PHYH: variants seen among roughly 807,000 people sequenced by gnomAD.
PHYH encodes phytanoyl-CoA dioxygenase, peroxisomal.
In PHYH, 32 loss-of-function variants were observed where a neutral mutation model predicts 38.5. That is an observed-to-expected ratio of 0.83 (90% CI 0.63 to 1.12). The LOEUF (loss-of-function observed/expected upper bound fraction) is 1.12, where lower values mean the gene tolerates loss of function less well. PHYH is among the 50% of genes most tolerant of loss of function. The pLI is 0.00. For synonymous variants in PHYH, 166 were observed against 157.9 expected (o/e 1.05, Z -0.38); for missense variants, 426 against 434.8 (o/e 0.98, Z 0.18).
chr10:13,281,210 G>A, intron 7 of PHYH, 100 bp from the exon 8 acceptor site: 1 of 1,232,462 alleles, frequency 8.1e-7, no homozygotes, highest in Non-Finnish European at 1.2e-6. Context: ...ATTTCACTCA[G>A]TATTTGATTT....
chr10:13,298,783 A>C (rs2783651), intron 1 of PHYH, among the ~76,000 whole-genome samples: 53,309 of 107,654 alleles, frequency 0.5, 12,160 homozygotes, highest in East Asian at 0.74. Flanking sequence ...ACTACTACTA[A>C]TAATAATAAT....
At position 13,281,039 on chromosome 10, in the gene PHYH, G is replaced by C. The variant is rs757065674; in HGVS notation, c.900C>G (p.Ile300Met). Residue 300 changes from isoleucine (I) to methionine (M), a missense_variant, in exon 8 of 9, where the codon ATC becomes ATG. Physicochemically the swap from Ile to Met is conservative, Grantham distance 10. Transcript: ENST00000263038. ...IDVKGTSQEN[I>M]EKEVVGIAHK... ...GTGCTATTCCTACAACTTCCTTCTC[G>C]ATGTTTTCTTGACTGGTGCCCTTCA... is the stretch of plus-strand genomic sequence containing the variant. 1 of 1,613,824 alleles carries C rather than the reference G, an allele frequency of 6.2e-7. No individual in the cohort carries two copies. Among genetic ancestry groups the C allele is most frequent in the Admixed American group, 1.7e-5 (1 of 59,988 alleles).
At chr10:13,283,894 A>G (rs568315555) in intron 6 of PHYH, 55 bp from the exon 7 acceptor site, 7 of 1,419,150 alleles carry the variant, frequency 4.9e-6, no homozygotes, top group Non-Finnish European at 7.0e-6. Flanking sequence ...AATTAAAAAC[A>G]TTGTCAATGG....
chr10:13,284,491 C>T (rs1166617813), intron 6 of PHYH, among the ~76,000 whole-genome samples: 2 of 152,120 alleles, frequency 1.3e-5, no homozygotes, highest in African/African-American at 4.8e-5. Context: ...CCACCTATCT[C>T]TTGGGCATTT....
At chr10:13,284,747 C>T (rs972811341) in intron 6 of PHYH, among the ~76,000 whole-genome samples, 4 of 152,102 alleles carry the variant, frequency 2.6e-5, no homozygotes, top group South Asian at 4.1e-4. Flanking sequence ...TTAGGTAATG[C>T]GGTTATGTCT....
chr10:13,297,446 A>ATTTGT (rs771365374), intron 2 of PHYH, among the ~76,000 whole-genome samples: 1 of 151,984 alleles, frequency 6.6e-6, no homozygotes, highest in Non-Finnish European at 1.5e-5. Context: ...ATACAAGCTA[A>ATTTGT]TTTGTTTTGT....
At chr10:13,279,086 C>A (rs893836336) in intron 8 of PHYH, among the ~76,000 whole-genome samples, 2 of 151,974 alleles carry the variant, frequency 1.3e-5, no homozygotes, top group African/African-American at 4.8e-5. Flanking sequence ...GCAACCTCTG[C>A]CTCCTGGGTT....
rs965121237 is a variant in PHYH, at chr10:13,277,921, T to A, written c.*380A>T. ...AAAAAAATCTCTTATGACATAAAAT[T>A]GGTAGGGAATGGGTTTATCAGAAAG... On this transcript the variant is annotated 3_prime_UTR_variant, in exon 9 of 9. Coordinates refer to ENST00000263038, the MANE Select transcript of PHYH (RefSeq NM_006214.4). 17 of 303,666 alleles carry A rather than the reference T, an allele frequency of 5.6e-5. No homozygotes were observed. In the Admixed American group the frequency reaches 6.2e-4, roughly 11 times the overall value. The allele number at this position is 303,666 out of a possible 1,614,324, so 18.8% of individuals were successfully genotyped here.
Position 13,294,293 on chromosome 10 carries a change from C to T in PHYH, c.414+135G>A, listed in dbSNP as rs539485737. The T allele has an allele frequency of 2.5e-5, 19 of 769,162 alleles. 1 individual carries two copies. The highest frequency in any genetic ancestry group is 1.8e-4 in the East Asian group (7 of 39,024). 47.6% of individuals were successfully genotyped at this position (769,162 alleles called of 1,614,324 possible). On this transcript the variant is annotated intron_variant, in intron 4 of 8. Coordinates refer to ENST00000263038, the MANE Select transcript of PHYH (RefSeq NM_006214.4). ...AAGAGCAGTGGTTCCTGGGATCAAGCGATCCACCTGCCTCAGCCTCCCACA... is the reference window on the plus strand; with the variant it reads ...AAGAGCAGTGGTTCCTGGGATCAAGTGATCCACCTGCCTCAGCCTCCCACA...
At chr10:13,287,380 T>G (rs953056992) in intron 6 of PHYH, among the ~76,000 whole-genome samples, 1 of 152,082 alleles carries the variant, frequency 6.6e-6, no homozygotes. Flanking sequence ...AAAAGGGTCT[T>G]CGATCTTCCT....
At chr10:13,285,706 G>A (rs1344072926) in intron 6 of PHYH, among the ~76,000 whole-genome samples, 1 of 150,696 alleles carries the variant, frequency 6.6e-6, no homozygotes, top group Non-Finnish European at 1.5e-5. Flanking sequence ...CTGGGTTCAA[G>A]CTATTCTCCT....
At chr10:13,291,441 A>T (rs538324055) in intron 5 of PHYH, 1 of 222,558 alleles carries the variant, frequency 4.5e-6, no homozygotes, top group South Asian at 7.3e-5. Flanking sequence ...TGTACACATG[A>T]TTACAGTTAG....
intron 8 of PHYH, among the ~76,000 whole-genome samples, chr10:13,280,155 G>C (rs1190132628): frequency 6.6e-6 from 1 of 152,130 alleles, no homozygotes; most frequent in Non-Finnish European, 1.5e-5. Flanking sequence ...TTTTAGTAGA[G>C]ACGGGGTTTC....
In PHYH at chr10:13,283,741, A is replaced by G; in HGVS notation, c.777T>C (p.His259=). Residue 259 remains histidine, a synonymous_variant, in exon 7 of 9, where the codon CAT becomes CAC. Coordinates refer to ENST00000263038, the MANE Select transcript of PHYH (RefSeq NM_006214.4). ...GACCAGATCCGTGGATGAGCAAAGG[A>G]TGGAAGAAAACAGTGTCGCCCTTCT... is the stretch of plus-strand genomic sequence containing the variant. ...VMEKGDTVFF[H]PLLIHGSGQN... is the part of the protein sequence containing the mutation. 1 of 1,614,132 alleles carries G rather than the reference A, an allele frequency of 6.2e-7. No homozygotes were observed. Among genetic ancestry groups the G allele is most frequent in the African/African-American group, 1.3e-5 (1 of 75,052 alleles).
intron 6 of PHYH, 48 bp from the exon 7 acceptor site, chr10:13,283,887 T>C (rs1185177029): frequency 6.7e-7 from 1 of 1,491,334 alleles, no homozygotes; most frequent in Non-Finnish European, 9.4e-7. Flanking sequence ...GTACCATAAT[T>C]AAAAACATTG....
intron 7 of PHYH, among the ~76,000 whole-genome samples, chr10:13,281,810 T>C (rs1463560717): frequency 6.6e-6 from 1 of 152,220 alleles, no homozygotes; most frequent in African/African-American, 2.4e-5. Flanking sequence ...ACAACAAATT[T>C]CTAGGGAGTG....
At position 13,295,482 on chromosome 10, in the gene PHYH, T is replaced by C. The variant is rs1360667497; in HGVS notation, c.245+14A>G. 2 of 1,207,018 alleles carry C rather than the reference T, an allele frequency of 1.7e-6. No homozygotes were observed. Among genetic ancestry groups the C allele is most frequent in the Non-Finnish European group, 1.2e-6 (1 of 808,042 alleles). The allele number at this position is 1,207,018 out of a possible 1,614,324, so 74.8% of individuals were successfully genotyped here. On this transcript the variant is annotated intron_variant, in intron 3 of 8. Transcript: ENST00000263038. ...ATACATACTATTGTAAAATAACAAA[T>C]AGTGTTACTGTACCGAAAGCGTTGA... is the stretch of plus-strand genomic sequence containing the variant.
At chr10:13,286,469 G>A (rs1328169243) in intron 6 of PHYH, among the ~76,000 whole-genome samples, 1 of 152,120 alleles carries the variant, frequency 6.6e-6, no homozygotes, top group African/African-American at 2.4e-5. Context: ...TTGGGAGGCC[G>A]AGGCAGGCAG....
chr10:13,281,230 A>G (rs574160121), intron 7 of PHYH, 120 bp from the exon 8 acceptor site: 1 of 1,013,276 alleles, frequency 9.9e-7, no homozygotes, highest in East Asian at 2.6e-5. Flanking sequence ...TCTAAGTGGA[A>G]AGTCAGGTCC....
Sources: allele counts gnomAD v4.1 joint callset (sites outside exome capture counted in the v4.1 genomes callset), GRCh38; gene constraint gnomAD v4.1.1; transcripts MANE v1.5; gene names NCBI Gene and HGNC (gene_info 2026-07-23, HGNC 2026-07-21).